The following UHRF1 variants were observed in gnomAD, a reference collection of about 807,000 sequenced individuals.
UHRF1 encodes the protein E3 ubiquitin-protein ligase UHRF1.
A neutral mutation model predicts 96.5 loss-of-function variants in UHRF1; 9 were observed. That is an observed-to-expected ratio of 0.09 (90% CI 0.06 to 0.16). UHRF1 has a LOEUF of 0.16. Ranked by LOEUF, UHRF1 falls within the 10% of genes least tolerant of loss-of-function variation. The pLI is 1.00. For missense variants in UHRF1, 626 were observed against 1,131.1 expected (o/e 0.55, Z 6.40); for synonymous variants, 455 against 469.9 (o/e 0.97, Z 0.41).
At chr19:4,929,612 G>T in intron 3 of UHRF1, 136 bp downstream of exon 3, 1 of 1,258,800 alleles carries the variant, frequency 7.9e-7, no homozygotes, top group Admixed American at 2.7e-5. Context: ...CCAAGGGGTG[G>T]TTTCCTGCAC....
intron 5 of UHRF1, among the ~76,000 whole-genome samples, chr19:4,935,300 C>CACA (rs1236028940): frequency 6.6e-6 from 1 of 152,180 alleles, no homozygotes; most frequent in Non-Finnish European, 1.5e-5. Context: ...TTCCCCTGCA[C>CACA]ACACTCCCTT....
intron 2 of UHRF1, among the ~76,000 whole-genome samples, chr19:4,928,149 G>T (rs897405054): frequency 6.6e-6 from 1 of 152,026 alleles, no homozygotes; most frequent in Non-Finnish European, 1.5e-5. Flanking sequence ...ATTTGTGGTC[G>T]TCACAACTAC....
At chr19:4,947,068 C>A (rs371201596) in intron 10 of UHRF1, 37 bp from the exon 11 acceptor site, 2 of 1,501,420 alleles carry the variant, frequency 1.3e-6, no homozygotes, top group Non-Finnish European at 9.1e-7. Flanking sequence ...TTTTTTGCCT[C>A]TGCAGAGGGT....
At position 4,960,840 on chromosome 19, in the gene UHRF1, C is replaced by A; in HGVS notation, c.*37C>A. 2 of 1,245,752 alleles carry A rather than the reference C, an allele frequency of 1.6e-6. No individual in the cohort carries two copies. Among genetic ancestry groups the A allele is most frequent in the South Asian group, 1.4e-5 (1 of 73,356 alleles). 77.2% of individuals were successfully genotyped at this position (1,245,752 alleles called of 1,614,324 possible). ...TTCTCGACAGGCGTTTTGCTGAAAA[C>A]GTGTCGGAGGGCTCGTTCATCGGCA... On this transcript the variant is annotated 3_prime_UTR_variant, in exon 17 of 17. Transcript: ENST00000650932.
Position 4,951,127 on chromosome 19 carries a change from A to G in UHRF1, c.1818+131A>G, listed in dbSNP as rs186044444. On this transcript the variant is annotated intron_variant, in intron 13 of 16. Transcript: ENST00000650932. ...CTAAAAATACAAAAATTAGCTGGGT[A>G]TGGTGGCGGGTGCCTGTAATCCCAG... The G allele has an allele frequency of 3.5e-5, 45 of 1,272,608 alleles. 1 individual carries two copies. In the Admixed American group the frequency reaches 5.9e-4, roughly 17 times the overall value. The allele number at this position is 1,272,608 out of a possible 1,614,324, so 78.8% of individuals were successfully genotyped here. A position where few individuals can be genotyped will look rare whatever the true frequency, so the allele number is the denominator to read the frequency against.
At chr19:4,919,824 T>A (rs757901445) in intron 2 of UHRF1, among the ~76,000 whole-genome samples, 1 of 121,914 alleles carries the variant, frequency 8.2e-6, no homozygotes, top group African/African-American at 3.8e-5. Context: ...ATTGTTAATA[T>A]TTTTTTTTTT....
intron 5 of UHRF1, among the ~76,000 whole-genome samples, chr19:4,935,243 C>T (rs1453543481): frequency 3.9e-5 from 6 of 152,134 alleles, no homozygotes; most frequent in Admixed American, 6.6e-5. Flanking sequence ...GCTGGGATTA[C>T]AGGCGTGAGC....
At chr19:4,956,572 G>C (rs905832705) in intron 15 of UHRF1, 137 bp from the exon 16 acceptor site, 1 of 656,526 alleles carries the variant, frequency 1.5e-6, no homozygotes, top group Non-Finnish European at 2.8e-6. Flanking sequence ...GAACGGGGAC[G>C]ATCATGGCCC....
chr19:4,927,728 C>T (rs370594801), intron 2 of UHRF1, among the ~76,000 whole-genome samples: 3 of 152,224 alleles, frequency 2.0e-5, no homozygotes, highest in Non-Finnish European at 2.9e-5. Flanking sequence ...AGGCCAGGGC[C>T]GCTGCAGTGC....
At chr19:4,908,007 C>T (rs1471172819), upstream of UHRF1, among the ~76,000 whole-genome samples, 5 of 152,086 alleles carry the variant, frequency 3.3e-5, no homozygotes, top group African/African-American at 9.7e-5. Context: ...CCAACGCGCC[C>T]GGCCCTTGGC....
chr19:4,917,080 G>C (rs1332136015), intron 2 of UHRF1, among the ~76,000 whole-genome samples: 11 of 151,466 alleles, frequency 7.3e-5, no homozygotes, highest in South Asian at 2.1e-4. Context: ...TGGGGGGGGG[G>C]GGTGCAGTGA....
chr19:4,926,038 C>T (rs969952170), intron 2 of UHRF1, among the ~76,000 whole-genome samples: 1 of 152,118 alleles, frequency 6.6e-6, no homozygotes, highest in Non-Finnish European at 1.5e-5. Flanking sequence ...GCTGGGATTA[C>T]AGGCACCTGC....
intron 13 of UHRF1, among the ~76,000 whole-genome samples, chr19:4,951,511 C>T (rs997095032): frequency 6.6e-6 from 1 of 152,096 alleles, no homozygotes; most frequent in Non-Finnish European, 1.5e-5. Flanking sequence ...ATGGCACCCC[C>T]CTAGCTGTCC....
chr19:4,939,175 C>G (rs1173460485), intron 5 of UHRF1, among the ~76,000 whole-genome samples: 1 of 151,412 alleles, frequency 6.6e-6, no homozygotes, highest in Non-Finnish European at 1.5e-5. Flanking sequence ...GCCTCAGCCT[C>G]CCAAAGTGCT....
intron 2 of UHRF1, among the ~76,000 whole-genome samples, chr19:4,915,743 CAA>C (rs2032474337): frequency 6.6e-6 from 1 of 151,948 alleles, no homozygotes; most frequent in Non-Finnish European, 1.5e-5. Context: ...AAAACCAAAA[CAA>C]AAGAGGTGCA....
At chr19:4,935,994 A>G (rs2146344571) in intron 5 of UHRF1, among the ~76,000 whole-genome samples, 1 of 152,330 alleles carries the variant, frequency 6.6e-6, no homozygotes, top group East Asian at 1.9e-4. Context: ...GACTGTCACA[A>G]GGCAGGGGTG....
chr19:4,945,672 T>C (rs2033541137), intron 9 of UHRF1, among the ~76,000 whole-genome samples, 189 bp from the exon 10 acceptor site: 1 of 146,200 alleles, frequency 6.8e-6, no homozygotes, highest in African/African-American at 2.6e-5. Context: ...TTTTTTTTTT[T>C]TCCATGGTGC....
intron 2 of UHRF1, among the ~76,000 whole-genome samples, chr19:4,926,436 G>T (rs2032873490): frequency 6.6e-6 from 1 of 152,228 alleles, no homozygotes; most frequent in African/African-American, 2.4e-5. Context: ...GGCTGAAGCG[G>T]ATATTGGTGG....
upstream of UHRF1, among the ~76,000 whole-genome samples, chr19:4,906,594 AAAT>A (rs560793456): frequency 1.2e-4 from 18 of 152,144 alleles, no homozygotes; most frequent in South Asian, 3.7e-3. Context: ...TCTCTACTAA[AAAT>A]AAAAAATTAG....
Sources: allele counts gnomAD v4.1 joint callset (sites outside exome capture counted in the v4.1 genomes callset), GRCh38; gene constraint gnomAD v4.1.1; transcripts MANE v1.5; gene names NCBI Gene and HGNC (gene_info 2026-07-23, HGNC 2026-07-21).